Variants in KLHL32 observed in about 807,000 individuals in gnomAD.
KLHL32 encodes kelch like family member 32.
KLHL32 carries 35 observed loss-of-function variants against 64.8 expected under a neutral mutation model. The observed-to-expected ratio is 0.54, with a 90% CI of 0.41 to 0.72. The LOEUF (loss-of-function observed/expected upper bound fraction) is 0.72, where lower values mean the gene tolerates loss of function less well. Ranked by LOEUF, KLHL32 falls within the 30% of genes least tolerant of loss-of-function variation. KLHL32 has a pLI of 0.00. For missense variants in KLHL32, 589 were observed against 768.5 expected, an observed-to-expected ratio of 0.77 and a Z score of 2.76; for synonymous variants, 259 against 281.0, an observed-to-expected ratio of 0.92 and a Z score of 0.78.
At position 97,078,867 on chromosome 6, in the gene KLHL32, G is replaced by A. The variant is rs368572430; in HGVS notation, c.412-6259G>A. ...AATGTGTATAATTTCTGTGTCAGAG[G>A]CATGATTAAACTGCAGTGTGGATGG... is the stretch of plus-strand genomic sequence containing the variant. On this transcript the variant is annotated intron_variant, in intron 5 of 10. Transcript: ENST00000369261. Among the ~76,000 whole-genome samples the A allele has an allele frequency of 2.0e-4, 30 of 152,268 alleles. 1 individual carries two copies. Among genetic ancestry groups the A allele is most frequent in the African/African-American group, 6.7e-4 (28 of 41,544 alleles).
the KLHL32 span, among the ~76,000 whole-genome samples, chr6:96,904,190 A>G: frequency 6.6e-6 from 1 of 151,984 alleles, no homozygotes; most frequent in Non-Finnish European, 1.5e-5. Context: ...ATAAATACAA[A>G]AATTTTCCAG....
At chr6:97,120,706 G>T (rs1218048718) in intron 7 of KLHL32, among the ~76,000 whole-genome samples, 1 of 152,112 alleles carries the variant, frequency 6.6e-6, no homozygotes, top group Non-Finnish European at 1.5e-5. Flanking sequence ...CCCCCTTGTT[G>T]TCCCTGGAGG....
At chr6:96,968,977 A>G (rs893635284) in intron 2 of KLHL32, among the ~76,000 whole-genome samples, 5 of 152,210 alleles carry the variant, frequency 3.3e-5, no homozygotes, top group African/African-American at 1.2e-4. Context: ...AACAACAAAG[A>G]CATGCTCTTC....
At chr6:97,031,946 A>G (rs1562261859) in intron 3 of KLHL32, among the ~76,000 whole-genome samples, 1 of 152,038 alleles carries the variant, frequency 6.6e-6, no homozygotes, top group Non-Finnish European at 1.5e-5. Context: ...GACAGTTTCT[A>G]TATAACATTT....
In KLHL32 at chr6:97,033,630, T is replaced by G. The variant is rs182545601; in HGVS notation, c.205-7862T>G. Among the ~76,000 whole-genome samples the G allele has an allele frequency of 3.8e-3, 582 of 152,238 alleles. 1 individual carries two copies. The highest frequency in any genetic ancestry group is 5.1e-3 in the Non-Finnish European group (349 of 67,970). ...TGTTTCCCATAATGGCTGTACCAAT[T>G]TACATTACAACCAACAATAAACAAG... is the stretch of plus-strand genomic sequence containing the variant. On this transcript the variant is annotated intron_variant, in intron 3 of 10. Transcript: ENST00000369261.
chr6:97,064,640 C>A lies in KLHL32; in HGVS notation c.325C>A (p.Pro109Thr). The A allele has an allele frequency of 1.2e-6, 2 of 1,613,870 alleles. No homozygotes were observed. Among genetic ancestry groups the A allele is most frequent in the Non-Finnish European group, 1.7e-6 (2 of 1,179,846 alleles). Residue 109 changes from proline to threonine, a missense_variant, in exon 5 of 11, where the codon CCA (proline) becomes ACA (threonine). Pro to Thr is a conservative substitution (Grantham distance 38). Around this residue, in one of 3 missense-constraint regions of KLHL32, gnomAD observed 191 missense variants for 223.3 expected, o/e 0.86. Transcript: ENST00000369261. ...FAYTGQILLEPGVIQDVLAAG... is the reference protein window; with the variant it reads ...FAYTGQILLETGVIQDVLAAG... Reference sequence around the variant, plus strand: ...ACAAACAAAACAGATTTTGCTGGAGCCAGGTGTGATCCAGGATGTGCTAGC... The same window carrying A: ...ACAAACAAAACAGATTTTGCTGGAGACAGGTGTGATCCAGGATGTGCTAGC...
chr6:97,013,165 T>C (rs1449605538), intron 3 of KLHL32, among the ~76,000 whole-genome samples: 1 of 152,238 alleles, frequency 6.6e-6, no homozygotes, highest in Non-Finnish European at 1.5e-5. Context: ...AGAAATAACA[T>C]TCCTTGTACT....
the KLHL32 span, among the ~76,000 whole-genome samples, chr6:96,906,867 A>G: frequency 6.6e-6 from 1 of 152,186 alleles, no homozygotes; most frequent in South Asian, 2.1e-4. Flanking sequence ...AGAGGTTCCC[A>G]ACCCACAACC....
At chr6:97,040,499 G>A (rs1178833324) in intron 3 of KLHL32, among the ~76,000 whole-genome samples, 1 of 152,032 alleles carries the variant, frequency 6.6e-6, no homozygotes, top group Non-Finnish European at 1.5e-5. Context: ...TCACCTGGAG[G>A]GCCTATTACA....
intron 6 of KLHL32, among the ~76,000 whole-genome samples, chr6:97,102,633 A>G (rs1562338798): frequency 6.6e-6 from 1 of 152,172 alleles, no homozygotes; most frequent in Non-Finnish European, 1.5e-5. Flanking sequence ...CTCAGAGACT[A>G]TGATCAAACC....
chr6:97,108,831 TTAAG>T (rs1310873185), intron 6 of KLHL32, among the ~76,000 whole-genome samples: 10 of 152,324 alleles, frequency 6.6e-5, no homozygotes, highest in African/African-American at 2.4e-4. Flanking sequence ...ATTAAGCTAA[TTAAG>T]TATCTTATAT....
chr6:97,031,890 T>C (rs1783609248), intron 3 of KLHL32, among the ~76,000 whole-genome samples: 2 of 152,112 alleles, frequency 1.3e-5, no homozygotes, highest in African/African-American at 4.8e-5. Flanking sequence ...TCAATTGGAG[T>C]CAAAGGGAGA....
At chr6:97,051,801 A>G (rs1194498522) in intron 4 of KLHL32, among the ~76,000 whole-genome samples, 4 of 152,204 alleles carry the variant, frequency 2.6e-5, no homozygotes, top group African/African-American at 7.2e-5. Context: ...ATAAGAAGAT[A>G]TCAGCCTATT....
chr6:97,125,597 A>T (rs1334144717), intron 7 of KLHL32, among the ~76,000 whole-genome samples: 2 of 152,140 alleles, frequency 1.3e-5, no homozygotes, highest in Non-Finnish European at 2.9e-5. Flanking sequence ...TGATTAATGG[A>T]TGTGTTGTAC....
At position 97,065,440 on chromosome 6, in the gene KLHL32, G is replaced by C. The variant is rs539967735; in HGVS notation, c.411+714G>C. ...GTTCTGATTCCAAAGACCATTTCTT[G>C]GTTGGATGAAAACTTCTTGTTAGGT... On this transcript the variant is annotated intron_variant, in intron 5 of 10. Transcript: ENST00000369261. Among the ~76,000 whole-genome samples, 715 of 152,228 alleles carry C rather than the reference G, an allele frequency of 4.7e-3. 9 individuals are homozygous for C. The highest frequency in any genetic ancestry group is 6.3e-3 in the Non-Finnish European group (430 of 67,998).
chr6:97,039,436 G>A (rs1355567605), intron 3 of KLHL32, among the ~76,000 whole-genome samples: 2 of 152,108 alleles, frequency 1.3e-5, no homozygotes, highest in African/African-American at 4.8e-5. Flanking sequence ...TGAATAATGA[G>A]TGCAAATATA....
chr6:96,993,417 A>G (rs1044267987), intron 3 of KLHL32, among the ~76,000 whole-genome samples: 2 of 152,204 alleles, frequency 1.3e-5, no homozygotes, highest in East Asian at 1.9e-4. Flanking sequence ...TCACGTGGCA[A>G]CTAAATCCTA....
chr6:97,111,101 C>T (rs896384097), intron 6 of KLHL32, among the ~76,000 whole-genome samples: 5 of 152,050 alleles, frequency 3.3e-5, no homozygotes, highest in African/African-American at 1.2e-4. Flanking sequence ...CTTCCAGCAA[C>T]ACTGAGGAGT....
chr6:96,919,729 T>G (rs1049633531), upstream of KLHL32, among the ~76,000 whole-genome samples: 1 of 152,092 alleles, frequency 6.6e-6, no homozygotes, highest in African/African-American at 2.4e-5. Context: ...ATGCTCATCA[T>G]AAAAATAATA....
Sources: allele counts gnomAD v4.1 joint callset (sites outside exome capture counted in the v4.1 genomes callset), GRCh38; gene constraint gnomAD v4.1.1; regional missense constraint gnomAD v4.1.1; transcripts MANE v1.5; gene names NCBI Gene and HGNC (gene_info 2026-07-23, HGNC 2026-07-21).